SGCZ: variants seen among roughly 807,000 people sequenced by gnomAD.
SGCZ encodes sarcoglycan zeta.
Under a neutral mutation model 41.3 loss-of-function variants are expected in SGCZ, and 40 were observed. The observed-to-expected ratio is 0.97, with a 90% CI of 0.75 to 1.26. The LOEUF is 1.26. Ranked by LOEUF, SGCZ falls within the 50% of genes most tolerant of loss-of-function variation. SGCZ has a pLI of 0.00. For synonymous variants in SGCZ, 206 were observed against 137.5 expected (o/e 1.50, Z -3.49); for missense variants, 552 against 369.8 (o/e 1.49, Z -4.04).
At chr8:14,214,648 C>G (rs1419029910) in intron 4 of SGCZ, among the ~76,000 whole-genome samples, 1 of 151,628 alleles carries the variant, frequency 6.6e-6, no homozygotes. Context: ...TCAAACATAA[C>G]AATATAGGTA....
intron 4 of SGCZ, among the ~76,000 whole-genome samples, chr8:14,215,751 A>C (rs777540232): frequency 6.6e-6 from 1 of 152,196 alleles, no homozygotes; most frequent in African/African-American, 2.4e-5. Context: ...AAAACAACTC[A>C]AAAGACTACA....
chr8:15,072,789 G>T (rs1380695021), intron 1 of SGCZ, among the ~76,000 whole-genome samples: 2 of 152,118 alleles, frequency 1.3e-5, no homozygotes, highest in African/African-American at 2.4e-5. Flanking sequence ...TAATGGAGAT[G>T]ATTCAAATCT....
chr8:15,047,685 C>A (rs1346545224), intron 1 of SGCZ, among the ~76,000 whole-genome samples: 1 of 151,986 alleles, frequency 6.6e-6, no homozygotes, highest in Non-Finnish European at 1.5e-5. Flanking sequence ...ATCTGAAATT[C>A]TGAGAACATT....
intron 1 of SGCZ, among the ~76,000 whole-genome samples, chr8:15,148,108 C>G (rs1799084872): frequency 6.6e-6 from 1 of 152,148 alleles, no homozygotes; most frequent in Non-Finnish European, 1.5e-5. Context: ...GATGAGGCAG[C>G]TAGTAAAAGA....
At chr8:15,166,182 G>C (rs1799658468) in intron 1 of SGCZ, among the ~76,000 whole-genome samples, 1 of 151,532 alleles carries the variant, frequency 6.6e-6, no homozygotes, top group Non-Finnish European at 1.5e-5. Flanking sequence ...AGGTAAACAG[G>C]ATTATTTGAC....
intron 1 of SGCZ, among the ~76,000 whole-genome samples, chr8:14,599,353 G>C (rs892992529): frequency 2.6e-5 from 4 of 151,896 alleles, no homozygotes; most frequent in Admixed American, 6.6e-5. Context: ...GTATTCACTT[G>C]TCAAAACCAC....
Position 14,172,927 on chromosome 8 carries a change from G to T in SGCZ, c.425-8225C>A, listed in dbSNP as rs1428192723. Among the ~76,000 whole-genome samples the T allele has an allele frequency of 6.6e-5, 10 of 152,186 alleles. 1 individual carries two copies. Among genetic ancestry groups the T allele is most frequent in the African/African-American group, 2.4e-4 (10 of 41,528 alleles). The stretch of plus-strand genomic sequence containing the variant: ...TAATTATTAGATAAAGACTACTAGG[G>T]AATGTGTGAGATGAACAAAGGTTAT... On this transcript the variant is annotated intron_variant, in intron 4 of 7. Coordinates refer to ENST00000382080, the MANE Select transcript of SGCZ (RefSeq NM_139167.4).
chr8:15,213,185 A>C (rs1390765948), intron 1 of SGCZ, among the ~76,000 whole-genome samples: 2 of 152,046 alleles, frequency 1.3e-5, no homozygotes, highest in Non-Finnish European at 2.9e-5. Context: ...ATTCACATAA[A>C]GTTGAAGGAA....
intron 3 of SGCZ, among the ~76,000 whole-genome samples, chr8:14,280,112 A>G (rs1171805478): frequency 3.3e-5 from 5 of 151,992 alleles, no homozygotes; most frequent in Admixed American, 3.3e-4. Flanking sequence ...AAATAATGAA[A>G]TATACTTTTA....
At chr8:15,046,343 C>T (rs1804300631) in intron 1 of SGCZ, among the ~76,000 whole-genome samples, 1 of 151,938 alleles carries the variant, frequency 6.6e-6, no homozygotes, top group Non-Finnish European at 1.5e-5. Flanking sequence ...AAAATAATGA[C>T]CATTCAAGTT....
intron 3 of SGCZ, among the ~76,000 whole-genome samples, chr8:14,312,483 A>T (rs1035418981): frequency 6.6e-6 from 1 of 152,110 alleles, no homozygotes; most frequent in Non-Finnish European, 1.5e-5. Context: ...AAGAAATAAT[A>T]CTGTTGGTGC....
intron 3 of SGCZ, among the ~76,000 whole-genome samples, chr8:14,246,424 C>T (rs1416444225): frequency 6.6e-6 from 1 of 150,754 alleles, no homozygotes; most frequent in East Asian, 2.0e-4. Context: ...GGAAAGGGAA[C>T]ATGACACTCT....
chr8:14,989,077 A>T (rs1392925980), intron 1 of SGCZ, among the ~76,000 whole-genome samples: 1 of 152,120 alleles, frequency 6.6e-6, no homozygotes, highest in Non-Finnish European at 1.5e-5. Context: ...TGCACTGTAA[A>T]CACTCGATGG....
chr8:14,228,651 G>A (rs1806456305), intron 4 of SGCZ, among the ~76,000 whole-genome samples: 1 of 151,926 alleles, frequency 6.6e-6, no homozygotes, highest in Non-Finnish European at 1.5e-5. Flanking sequence ...ATAAGGAGAT[G>A]GGGGCGGCCT....
intron 1 of SGCZ, among the ~76,000 whole-genome samples, chr8:14,915,113 A>T (rs944303415): frequency 1.3e-5 from 2 of 152,206 alleles, no homozygotes; most frequent in Non-Finnish European, 2.9e-5. Flanking sequence ...TCATGAAGAC[A>T]GTTCAGAGAT....
chr8:14,669,920 C>G (rs1444020842), intron 1 of SGCZ, among the ~76,000 whole-genome samples: 1 of 152,164 alleles, frequency 6.6e-6, no homozygotes, highest in Non-Finnish European at 1.5e-5. Flanking sequence ...AGGAATTAAA[C>G]TAACACTAAA....
At chr8:14,584,796 G>T (rs977052977) in intron 1 of SGCZ, among the ~76,000 whole-genome samples, 8 of 152,048 alleles carry the variant, frequency 5.3e-5, no homozygotes, top group African/African-American at 1.9e-4. Flanking sequence ...TAGGAATTAG[G>T]CTAGGAAATA....
chr8:14,444,558 A>G lies in SGCZ; in HGVS notation c.234+110174T>C, dbSNP rs552732322. ...ATCATCATTCTCAGTAAACTATCGTAAGAACAAAAAACCAAACACCACATA... is the reference window on the plus strand; with the variant it reads ...ATCATCATTCTCAGTAAACTATCGTGAGAACAAAAAACCAAACACCACATA... On this transcript the variant is annotated intron_variant, in intron 2 of 7. Transcript: ENST00000382080. Among the ~76,000 whole-genome samples the G allele has an allele frequency of 7.2e-5, 11 of 151,946 alleles. No homozygotes were observed. The East Asian group carries it at 2.1e-3, about 30-fold the overall frequency.
intron 7 of SGCZ, among the ~76,000 whole-genome samples, chr8:14,102,099 T>TATATATAG (rs1303427382): frequency 4.3e-5 from 5 of 115,396 alleles, no homozygotes; most frequent in African/African-American, 2.0e-4. Context: ...TATATATATA[T>TATATATAG]ATATAATTTT....
Sources: allele counts gnomAD v4.1 joint callset (sites outside exome capture counted in the v4.1 genomes callset), GRCh38; gene constraint gnomAD v4.1.1; transcripts MANE v1.5; gene names NCBI Gene and HGNC (gene_info 2026-07-23, HGNC 2026-07-21).